The following UNC13B variants were observed in gnomAD, a reference collection of about 807,000 sequenced individuals.
UNC13B encodes unc-13 homolog B.
A neutral mutation model predicts 211.0 loss-of-function variants in UNC13B; 144 were observed. That is an observed-to-expected ratio of 0.68 (90% CI 0.60 to 0.78). The LOEUF (loss-of-function observed/expected upper bound fraction) is 0.78. UNC13B is among the 30% of genes least tolerant of loss of function. UNC13B has a pLI of 0.00. For missense variants in UNC13B, 1,777 were observed against 2,002.0 expected, an observed-to-expected ratio of 0.89 and a Z score of 2.14; for synonymous variants, 709 against 725.8, an observed-to-expected ratio of 0.98 and a Z score of 0.37.
At chr9:35,235,309 G>A (rs1274725011) in intron 3 of UNC13B, among the ~76,000 whole-genome samples, 4 of 152,102 alleles carry the variant, frequency 2.6e-5, no homozygotes, top group African/African-American at 9.7e-5. Flanking sequence ...AATGATTAAT[G>A]AGTCTCCAGG....
At chr9:35,320,604 C>T (rs1768534905) in intron 11 of UNC13B, among the ~76,000 whole-genome samples, 1 of 152,178 alleles carries the variant, frequency 6.6e-6, no homozygotes, top group South Asian at 2.1e-4. Flanking sequence ...GCTTAGAATG[C>T]TCTTTCTCTT....
intron 7 of UNC13B, among the ~76,000 whole-genome samples, chr9:35,284,612 G>A (rs1828688738): frequency 6.6e-6 from 1 of 152,030 alleles, no homozygotes; most frequent in Admixed American, 6.6e-5. Flanking sequence ...ATAGTTTTTT[G>A]TTATTCTCCT....
At chr9:35,295,154 T>C (rs575137302) in intron 7 of UNC13B, among the ~76,000 whole-genome samples, 21 of 152,320 alleles carry the variant, frequency 1.4e-4, no homozygotes, top group African/African-American at 5.1e-4. Context: ...TTCCAGGCCT[T>C]GGCTTTGACC....
chr9:35,379,819 G>T lies in UNC13B; in HGVS notation c.10206-651G>T, dbSNP rs533562967. Among the ~76,000 whole-genome samples the T allele has an allele frequency of 3.9e-5, 6 of 152,292 alleles. No homozygotes were observed. The South Asian group carries it at 1.2e-3, about 32-fold the overall frequency. ...TAACATAAGAACATAGGGAAAGTAAGAGCACATTTTGCCAGTTACAACTTT... is the reference window on the plus strand; with the variant it reads ...TAACATAAGAACATAGGGAAAGTAATAGCACATTTTGCCAGTTACAACTTT... On this transcript the variant is annotated intron_variant, in intron 17 of 39. Transcript: ENST00000635942.
At position 35,260,038 on chromosome 9, in the gene UNC13B, C is replaced by CCA. The variant is rs780357118; in HGVS notation, c.526+988_526+989insCA. The stretch of plus-strand genomic sequence containing the variant: ...GCAACAAACAGATACCTCATTTCTA[C>CCA]AAAAAAAAAAAAAAAAAAAAAAAAA... On this transcript the variant is annotated intron_variant, in intron 7 of 39. Transcript: ENST00000635942. 7.7e-5 allele frequency among the ~76,000 whole-genome samples: 5 copies of CCA among 64,802 alleles called. No homozygotes were observed. The East Asian group carries it at 3.2e-3, about 42-fold the overall frequency. The allele number at this position is 64,802 out of a possible 152,430, so 42.5% of individuals were successfully genotyped here. A position where few individuals can be genotyped will look rare whatever the true frequency, so the allele number is the denominator to read the frequency against.
In UNC13B at chr9:35,308,091, A is replaced by C; in HGVS notation, c.8687A>C (p.Lys2896Thr). Residue 2896 changes from lysine (K) to threonine (T), a missense_variant, in exon 9 of 40, where the codon AAA (lysine) becomes ACA (threonine). Coordinates refer to ENST00000635942, the MANE Select transcript of UNC13B (RefSeq NM_001371189.2). ...QISGASAQPG[K>T]VYTQPSGTSE... ...TCTGGGGCCAGTGCTCAGCCAGGTA[A>C]AGTCTACACTCAGCCCTCTGGGACC... The C allele has an allele frequency of 2.5e-6, 1 of 399,128 alleles. No homozygotes were observed. 24.7% of individuals were successfully genotyped at this position (399,128 alleles called of 1,614,324 possible).
intron 11 of UNC13B, among the ~76,000 whole-genome samples, chr9:35,314,222 T>C (rs1324527365): frequency 6.6e-6 from 1 of 152,178 alleles, no homozygotes; most frequent in African/African-American, 2.4e-5. Context: ...TAAAGTTAGA[T>C]GCTTATTTTC....
At chr9:35,270,836 C>T (rs1333334831) in intron 7 of UNC13B, among the ~76,000 whole-genome samples, 4 of 151,984 alleles carry the variant, frequency 2.6e-5, no homozygotes, top group Admixed American at 6.6e-5. Context: ...TGTCCTAAGA[C>T]CATTTGTTAA....
chr9:35,340,246 G>A lies in UNC13B; in HGVS notation c.9414+26257G>A, dbSNP rs922864357. ...TAGCCAGCTCCCAACTAGGTTAGGA[G>A]GTATGTGCTCTGCTGTTAGTGTTGG... On this transcript the variant is annotated intron_variant, in intron 11 of 39. Coordinates refer to ENST00000635942, the MANE Select transcript of UNC13B (RefSeq NM_001371189.2). Among the ~76,000 whole-genome samples, 8 of 152,148 alleles carry A rather than the reference G, an allele frequency of 5.3e-5. No individual in the cohort carries two copies. In the South Asian group the frequency reaches 6.2e-4, roughly 12 times the overall value.
At chr9:35,357,053 C>T (rs1295813104) in intron 11 of UNC13B, among the ~76,000 whole-genome samples, 1 of 152,128 alleles carries the variant, frequency 6.6e-6, no homozygotes, top group Non-Finnish European at 1.5e-5. Flanking sequence ...CATTTGTATA[C>T]AAGTTTTTCT....
At chr9:35,374,577 A>T (rs1465892785) in intron 13 of UNC13B, among the ~76,000 whole-genome samples, 2 of 152,232 alleles carry the variant, frequency 1.3e-5, no homozygotes, top group Non-Finnish European at 2.9e-5. Flanking sequence ...GTCCTGCTTG[A>T]TTTGACTGAG....
In UNC13B at chr9:35,399,205, G is replaced by T. The variant is rs369779966; in HGVS notation, c.12119G>T (p.Arg4040Leu). 1 of 1,614,128 alleles carries T rather than the reference G, an allele frequency of 6.2e-7. No individual in the cohort carries two copies. ...ATVCEKTVLK[R>L]VLKELWRVVM... ...GTGTGTGAGAAGACGGTTCTGAAGCGTGTACTGAAGGAGCTCTGGCGCGTG... is the reference window on the plus strand; with the variant it reads ...GTGTGTGAGAAGACGGTTCTGAAGCTTGTACTGAAGGAGCTCTGGCGCGTG... The change falls in exon 34 of 40, where the codon CGT becomes CTT. Residue 4040 changes from arginine (R) to leucine (L), a missense_variant. By Grantham distance (102) the Arg-to-Leu change is moderately radical. Transcript: ENST00000635942.
chr9:35,177,257 C>G (rs1034385260), intron 1 of UNC13B, among the ~76,000 whole-genome samples: 1 of 152,150 alleles, frequency 6.6e-6, no homozygotes, highest in African/African-American at 2.4e-5. Flanking sequence ...CCATCTCACT[C>G]CAGCCTGGGT....
chr9:35,262,827 G>A (rs1254532733), intron 7 of UNC13B, among the ~76,000 whole-genome samples: 1 of 152,008 alleles, frequency 6.6e-6, no homozygotes, highest in East Asian at 1.9e-4. Flanking sequence ...AGCTACTTGG[G>A]AGACTGAGCC....
rs371539946 is a variant in UNC13B at position 35,257,192 on chromosome 9, C to G, written c.469-1801C>G. 7.5e-4 allele frequency among the ~76,000 whole-genome samples: 114 copies of G among 151,556 alleles called. 1 individual carries two copies. In the South Asian group the frequency reaches 0.018, roughly 25 times the overall value. On this transcript the variant is annotated intron_variant, in intron 6 of 39. Transcript: ENST00000635942. Reference sequence around the variant, plus strand: ...TTTTGAACCTGGCTGGGTGCAGTGGCTCACACCTGTAATCCCAGCACTTTG... The same window carrying G: ...TTTTGAACCTGGCTGGGTGCAGTGGGTCACACCTGTAATCCCAGCACTTTG...
At chr9:35,330,198 C>T (rs1831289277) in intron 11 of UNC13B, among the ~76,000 whole-genome samples, 1 of 152,194 alleles carries the variant, frequency 6.6e-6, no homozygotes, top group African/African-American at 2.4e-5. Context: ...CAGAAAAATG[C>T]ATTTTTGAGT....
At chr9:35,390,513 C>A in intron 25 of UNC13B, 116 bp from the exon 26 acceptor site, 1 of 1,180,840 alleles carries the variant, frequency 8.5e-7, no homozygotes, top group South Asian at 1.3e-5. Flanking sequence ...GCCCTGTTCC[C>A]TAAGCATCTC....
At position 35,378,380 on chromosome 9, in the gene UNC13B, G is replaced by A; in HGVS notation, c.10149G>A (p.Lys3383=). ...YVTVQVSKTK[K]RTKTIFGNLN... ...CTGTGCAAGTCAGCAAAACTAAGAA[G>A]CGTACCAAGACCATTTTTGGAAACT... The change falls in exon 17 of 40, where the codon AAG becomes AAA. Residue 3383 remains lysine, a synonymous_variant. Transcript: ENST00000635942. 1.9e-6 allele frequency: 3 copies of A among 1,614,140 alleles called. No individual in the cohort carries two copies. Among genetic ancestry groups the A allele is most frequent in the Non-Finnish European group, 2.5e-6 (3 of 1,180,014 alleles).
intron 31 of UNC13B, 123 bp from the exon 32 acceptor site, chr9:35,398,431 G>C: frequency 7.4e-7 from 1 of 1,347,958 alleles, no homozygotes; most frequent in Non-Finnish European, 1.0e-6. Context: ...TAGGCATTCG[G>C]GTAAGGCCCT....
Sources: gnomAD v4.1 joint callset for allele counts (sites outside exome capture counted in the v4.1 genomes callset) on GRCh38, gnomAD v4.1.1 for gene constraint, MANE v1.5 for transcripts, NCBI Gene and HGNC (gene_info 2026-07-23, HGNC 2026-07-21) for gene names.